Variants in SULF2 observed in about 807,000 individuals in gnomAD.
SULF2 encodes the protein extracellular sulfatase Sulf-2.
Under a neutral mutation model 107.7 loss-of-function variants are expected in SULF2, and 52 were observed. That is an observed-to-expected ratio of 0.48 (90% CI 0.39 to 0.61). The LOEUF (loss-of-function observed/expected upper bound fraction) is 0.61, where lower values mean the gene tolerates loss of function less well. Ranked by LOEUF, SULF2 falls within the 20% of genes least tolerant of loss-of-function variation. The pLI, the probability that SULF2 is intolerant of heterozygous loss-of-function variation, is 0.00. For missense variants in SULF2, 993 were observed against 1,177.3 expected, an observed-to-expected ratio of 0.84 and a Z score of 2.29; for synonymous variants, 460 against 464.3, an observed-to-expected ratio of 0.99 and a Z score of 0.12.
chr20:47,738,356 A>G (rs575615118), intron 2 of SULF2, among the ~76,000 whole-genome samples: 46 of 152,282 alleles, frequency 3.0e-4, no homozygotes, highest in African/African-American at 1.1e-3. Flanking sequence ...TTCTATGGCC[A>G]TCCTTGGTTT....
chr20:47,663,667 C>T (rs778414023), intron 15 of SULF2, 45 bp from the exon 16 acceptor site: 18 of 1,521,924 alleles, frequency 1.2e-5, no homozygotes, highest in Non-Finnish European at 1.5e-5. Context: ...TCTGAGGGAT[C>T]AGTGACCCCA....
chr20:47,778,077 G>A (rs1425186191), intron 1 of SULF2, among the ~76,000 whole-genome samples: 2 of 152,180 alleles, frequency 1.3e-5, no homozygotes, highest in Non-Finnish European at 2.9e-5. Flanking sequence ...GGAGGTTGAG[G>A]TGGTAGTGAA....
At chr20:47,740,597 G>A (rs1221378838) in intron 2 of SULF2, among the ~76,000 whole-genome samples, 1 of 152,082 alleles carries the variant, frequency 6.6e-6, no homozygotes, top group Non-Finnish European at 1.5e-5. Flanking sequence ...TTCTACTTAG[G>A]GCAAGTAACC....
intron 3 of SULF2, among the ~76,000 whole-genome samples, chr20:47,720,084 GACTGCAGGC>G (rs1464215705): frequency 6.6e-6 from 1 of 152,092 alleles, no homozygotes; most frequent in Admixed American, 6.5e-5. Flanking sequence ...GAGTAGCTCG[GACTGCAGGC>G]ACCTGCCACC....
At chr20:47,748,180 G>A (rs1353492721) in intron 2 of SULF2, among the ~76,000 whole-genome samples, 2 of 152,096 alleles carry the variant, frequency 1.3e-5, no homozygotes, top group Admixed American at 1.3e-4. Flanking sequence ...GCTCTCTGCC[G>A]CCCTCTTCCC....
intron 1 of SULF2, among the ~76,000 whole-genome samples, chr20:47,759,265 G>T (rs1462207219): frequency 6.6e-6 from 1 of 152,156 alleles, no homozygotes; most frequent in Non-Finnish European, 1.5e-5. Context: ...TGCCAGGGCT[G>T]CCCTGGCCCG....
Position 47,690,248 on chromosome 20 carries a change from G to A in SULF2, c.615C>T (p.Arg205=), listed in dbSNP as rs1224350933. Residue 205 remains arginine (R), a synonymous_variant, in exon 5 of 21, where the codon CGC becomes CGT. Transcript: ENST00000688720. ...TGTGCGGGTACATCTTCTTGGACGT[G>A]CGGAAGAAGCTCACGCTGTCATTGG... The part of the protein sequence containing the change: ...LITNDSVSFF[R]TSKKMYPHRP... 4 of 1,567,878 alleles carry A rather than the reference G, an allele frequency of 2.6e-6. No homozygotes were observed. The highest frequency in any genetic ancestry group is 1.8e-5 in the Admixed American group (1 of 55,664).
At chr20:47,746,994 A>ATATAT (rs1555853891) in intron 2 of SULF2, among the ~76,000 whole-genome samples, 86 of 131,872 alleles carry the variant, frequency 6.5e-4, no homozygotes, top group Admixed American at 1.4e-3. Flanking sequence ...AAAAAAAAAA[A>ATATAT]ATATATATAT....
intron 1 of SULF2, among the ~76,000 whole-genome samples, chr20:47,762,017 A>T (rs370905412): frequency 6.6e-6 from 1 of 152,308 alleles, no homozygotes; most frequent in East Asian, 1.9e-4. Flanking sequence ...GTCTGCCATC[A>T]CATAAGACGT....
At chr20:47,772,058 G>A (rs1286270387) in intron 1 of SULF2, among the ~76,000 whole-genome samples, 4 of 152,324 alleles carry the variant, frequency 2.6e-5, no homozygotes, top group South Asian at 2.1e-4. Context: ...ATATGCCAGC[G>A]TCTCAGAATA....
chr20:47,672,324 C>T lies in SULF2; in HGVS notation c.1450G>A (p.Gly484Ser). ...LHKCKGPMRL[G>S]GSRALSNLVP... ...AGGTTGGAGAGGGCTCTGCTGCCGCCCAGCCGCATGGGGCCCTTGCACTTA... is the reference window on the plus strand; with the variant it reads ...AGGTTGGAGAGGGCTCTGCTGCCGCTCAGCCGCATGGGGCCCTTGCACTTA... Residue 484 changes from glycine to serine, a missense_variant, in exon 11 of 21, where the codon GGC (glycine) becomes AGC (serine). Gly to Ser is a moderately conservative substitution (Grantham distance 56). Transcript: ENST00000688720. 2 of 1,613,360 alleles carry T rather than the reference C, an allele frequency of 1.2e-6. No homozygotes were observed. The highest frequency in any genetic ancestry group is 1.7e-6 in the Non-Finnish European group (2 of 1,179,986).
chr20:47,688,368 GC>G, intron 5 of SULF2, among the ~76,000 whole-genome samples: 1 of 152,338 alleles, frequency 6.6e-6, no homozygotes, highest in East Asian at 1.9e-4. Context: ...CCACATAAGA[GC>G]AGACACTGCT....
intron 3 of SULF2, among the ~76,000 whole-genome samples, chr20:47,731,223 TACTC>T (rs758557447): frequency 2.2e-5 from 3 of 137,644 alleles, no homozygotes; most frequent in East Asian, 4.3e-4. Context: ...GACAGAGTCT[TACTC>T]TGTCACCCAG....
intron 4 of SULF2, among the ~76,000 whole-genome samples, chr20:47,698,280 G>A (rs144721415): frequency 4.6e-5 from 7 of 152,200 alleles, no homozygotes; most frequent in African/African-American, 1.2e-4. Context: ...ACGTTCCAGC[G>A]TAGAGCTCCT....
chr20:47,717,719 C>T (rs950090672), intron 3 of SULF2, among the ~76,000 whole-genome samples: 2 of 152,108 alleles, frequency 1.3e-5, no homozygotes, highest in African/African-American at 4.8e-5. Context: ...GACCCGGGCA[C>T]TTTGCCTTTC....
chr20:47,718,405 G>A (rs1362215394), intron 3 of SULF2, among the ~76,000 whole-genome samples: 3 of 152,214 alleles, frequency 2.0e-5, no homozygotes, highest in Non-Finnish European at 4.4e-5. Flanking sequence ...GGACTCCTGT[G>A]TGGCTGGGAT....
At chr20:47,730,189 A>G (rs1218173616) in intron 3 of SULF2, among the ~76,000 whole-genome samples, 1 of 152,182 alleles carries the variant, frequency 6.6e-6, no homozygotes, top group African/African-American at 2.4e-5. Flanking sequence ...ACAGGCTCCA[A>G]CTGAGAGCCC....
At chr20:47,667,578 G>A (rs1405863737) in intron 11 of SULF2, among the ~76,000 whole-genome samples, 2 of 152,138 alleles carry the variant, frequency 1.3e-5, no homozygotes, top group East Asian at 1.9e-4. Context: ...GGGGATGGGC[G>A]GCCCCTTTGG....
chr20:47,748,943 A>T (rs1261136435), intron 2 of SULF2, among the ~76,000 whole-genome samples: 3 of 152,088 alleles, frequency 2.0e-5, no homozygotes, highest in African/African-American at 7.2e-5. Context: ...GTGCTTTATA[A>T]TTCTCGCTGA....
Sources: allele counts gnomAD v4.1 joint callset (sites outside exome capture counted in the v4.1 genomes callset), GRCh38; gene constraint gnomAD v4.1.1; transcripts MANE v1.5; gene names NCBI Gene and HGNC (gene_info 2026-07-23, HGNC 2026-07-21).